AGBL4: variants seen among roughly 807,000 people sequenced by gnomAD.
The protein encoded by AGBL4 is cytosolic carboxypeptidase 6.
Under a neutral mutation model 66.4 loss-of-function variants are expected in AGBL4, and 58 were observed. The observed-to-expected ratio is 0.87, with a 90% CI of 0.71 to 1.09. The LOEUF is 1.09. AGBL4 is among the 50% of genes least tolerant of loss of function. AGBL4 has a pLI of 0.00. For missense variants in AGBL4, 579 were observed against 631.0 expected (o/e 0.92, Z 0.88); for synonymous variants, 234 against 222.9 (o/e 1.05, Z -0.44).
At chr1:49,877,413 T>C (rs1032049727) in intron 1 of AGBL4, among the ~76,000 whole-genome samples, 2 of 152,086 alleles carry the variant, frequency 1.3e-5, no homozygotes, top group African/African-American at 4.8e-5. Context: ...TCTATTGAGA[T>C]AATCATGTGG....
chr1:49,105,564 T>C (rs887765318), intron 4 of AGBL4, among the ~76,000 whole-genome samples: 1 of 152,154 alleles, frequency 6.6e-6, no homozygotes, highest in Non-Finnish European at 1.5e-5. Flanking sequence ...GGAAAAAATA[T>C]GGGAGCATCT....
intron 13 of AGBL4, among the ~76,000 whole-genome samples, chr1:48,534,665 G>A (rs992240860): frequency 3.3e-5 from 5 of 152,094 alleles, no homozygotes; most frequent in African/African-American, 9.7e-5. Context: ...CTTTACTGTT[G>A]ATGAGTCATG....
intron 5 of AGBL4, among the ~76,000 whole-genome samples, chr1:48,974,807 G>C (rs528430515): frequency 6.6e-6 from 1 of 152,250 alleles, no homozygotes; most frequent in South Asian, 2.1e-4. Context: ...CCTTGTATAA[G>C]CTATTGATCT....
intron 4 of AGBL4, among the ~76,000 whole-genome samples, chr1:49,122,559 A>C (rs1293342188): frequency 1.3e-5 from 2 of 152,118 alleles, no homozygotes; most frequent in African/African-American, 4.8e-5. Flanking sequence ...AAATAATACT[A>C]ATCAATTTAT....
chr1:50,002,941 AAATAAAAGTT>A (rs1255298288), intron 1 of AGBL4, among the ~76,000 whole-genome samples: 1 of 152,230 alleles, frequency 6.6e-6, no homozygotes, highest in African/African-American at 2.4e-5. Context: ...TAAATTAACA[AAATAAAAGTT>A]AATAGAAGTT....
At chr1:48,914,168 T>TGA (rs947334461) in intron 5 of AGBL4, among the ~76,000 whole-genome samples, 4 of 152,210 alleles carry the variant, frequency 2.6e-5, no homozygotes, top group African/African-American at 9.6e-5. Context: ...GACGGAACCC[T>TGA]GAAGAATTCT....
intron 11 of AGBL4, among the ~76,000 whole-genome samples, chr1:48,559,614 G>GCACTTTTTACTGGTA (rs1644367523): frequency 2.0e-5 from 3 of 152,172 alleles, no homozygotes; most frequent in Non-Finnish European, 4.4e-5. Flanking sequence ...CTGGTATGTA[G>GCACTTTTTACTGGTA]CAGGAACTCT....
intron 1 of AGBL4, among the ~76,000 whole-genome samples, chr1:49,878,153 A>T: frequency 7.0e-6 from 1 of 143,580 alleles, no homozygotes; most frequent in Admixed American, 6.9e-5. Context: ...TTGTGTCTCT[A>T]TTTCCTTCAG....
intron 11 of AGBL4, among the ~76,000 whole-genome samples, chr1:48,543,380 TACCATCCA>T (rs1260236890): frequency 8.6e-6 from 1 of 116,536 alleles, no homozygotes; most frequent in Non-Finnish European, 1.8e-5. Flanking sequence ...AGAAATGATT[TACCATCCA>T]TCCATCCATC....
chr1:48,832,814 C>G (rs528530465), intron 6 of AGBL4, among the ~76,000 whole-genome samples: 5 of 152,296 alleles, frequency 3.3e-5, no homozygotes, highest in Admixed American at 6.5e-5. Context: ...AAAATTTGCT[C>G]TCTTCCTGAG....
intron 6 of AGBL4, among the ~76,000 whole-genome samples, chr1:48,699,197 C>G (rs940701549): frequency 6.6e-5 from 10 of 152,192 alleles, no homozygotes; most frequent in Admixed American, 6.5e-4. Flanking sequence ...TGGAGTCAGG[C>G]AGCAAGGGTT....
At chr1:49,222,440 T>C (rs1048254577) in intron 4 of AGBL4, among the ~76,000 whole-genome samples, 1 of 152,210 alleles carries the variant, frequency 6.6e-6, no homozygotes, top group Non-Finnish European at 1.5e-5. Flanking sequence ...AGACTTATTC[T>C]GTGGATATGC....
intron 9 of AGBL4, among the ~76,000 whole-genome samples, chr1:48,619,728 C>G (rs1645378682): frequency 6.6e-6 from 1 of 152,212 alleles, no homozygotes; most frequent in African/African-American, 2.4e-5. Context: ...ACTGCTGAGT[C>G]TGCATAGGTG....
intron 3 of AGBL4, among the ~76,000 whole-genome samples, chr1:49,373,334 G>T (rs1237920424): frequency 2.0e-5 from 3 of 152,144 alleles, no homozygotes. Context: ...AAGTAGAACT[G>T]ATATCTCCAT....
intron 5 of AGBL4, among the ~76,000 whole-genome samples, chr1:48,879,714 A>AAATACC: frequency 6.6e-6 from 1 of 152,266 alleles, no homozygotes. Flanking sequence ...CTGTACCATA[A>AAATACC]TGCAGGTATT....
intron 1 of AGBL4, among the ~76,000 whole-genome samples, chr1:49,915,090 T>G (rs533765070): frequency 6.6e-6 from 1 of 152,136 alleles, no homozygotes; most frequent in East Asian, 1.9e-4. Flanking sequence ...CAATTTTAAG[T>G]AAAAATTATC....
intron 2 of AGBL4, among the ~76,000 whole-genome samples, chr1:49,709,500 T>C (rs1647468706): frequency 6.6e-6 from 1 of 152,256 alleles, no homozygotes; most frequent in Admixed American, 6.5e-5. Flanking sequence ...ATTCAGGACA[T>C]AGACATGGGC....
At chr1:49,495,497 G>C (rs1228997845) in intron 3 of AGBL4, among the ~76,000 whole-genome samples, 1 of 151,694 alleles carries the variant, frequency 6.6e-6, no homozygotes, top group Non-Finnish European at 1.5e-5. Flanking sequence ...TGTTAGCACA[G>C]ACCATGTTCG....
intron 3 of AGBL4, among the ~76,000 whole-genome samples, chr1:49,640,077 C>T (rs1335469737): frequency 3.9e-5 from 6 of 152,106 alleles, no homozygotes; most frequent in African/African-American, 1.4e-4. Context: ...CTCACTGAAA[C>T]CACTACCCTG....
Sources: gnomAD v4.1 joint callset for allele counts (sites outside exome capture counted in the v4.1 genomes callset) on GRCh38, gnomAD v4.1.1 for gene constraint, MANE v1.5 for transcripts, NCBI Gene and HGNC (gene_info 2026-07-23, HGNC 2026-07-21) for gene names.